CTNNA2: variants seen among roughly 807,000 people sequenced by gnomAD.
CTNNA2 encodes the protein catenin alpha 2.
Under a neutral mutation model 101.0 loss-of-function variants are expected in CTNNA2, and 42 were observed. The observed-to-expected ratio is 0.42, with a 90% CI of 0.32 to 0.54. CTNNA2 has a LOEUF of 0.54. CTNNA2 is among the 20% of genes least tolerant of loss of function. CTNNA2 has a pLI of 0.14. For missense variants in CTNNA2, 871 were observed against 1,223.1 expected, an observed-to-expected ratio of 0.71 and a Z score of 4.29; for synonymous variants, 450 against 456.4, an observed-to-expected ratio of 0.99 and a Z score of 0.18.
intron 9 of CTNNA2, among the ~76,000 whole-genome samples, chr2:80,527,048 C>A (rs1690104829): frequency 6.6e-6 from 1 of 152,192 alleles, no homozygotes; most frequent in African/African-American, 2.4e-5. Context: ...CAGTTGATGG[C>A]ACCACCCTGA....
At chr2:80,595,398 A>T (rs557527767) in intron 15 of CTNNA2, among the ~76,000 whole-genome samples, 1 of 152,244 alleles carries the variant, frequency 6.6e-6, no homozygotes, top group South Asian at 2.1e-4. Flanking sequence ...TCTACATGTA[A>T]GATCATGTCA....
At chr2:80,579,418 C>T (rs1195575198) in intron 13 of CTNNA2, 3 of 152,138 alleles carry the variant, frequency 2.0e-5, no homozygotes, top group African/African-American at 7.2e-5. Flanking sequence ...ACAAAAAGCG[C>T]TTGTAATCTT....
intron 2 of CTNNA2, among the ~76,000 whole-genome samples, chr2:79,272,566 T>A (rs1047782081): frequency 1.3e-5 from 2 of 152,010 alleles, no homozygotes; most frequent in Non-Finnish European, 2.9e-5. Flanking sequence ...ATAAAACAAA[T>A]GACCAAGACA....
chr2:79,440,084 C>A (rs919378864), intron 4 of CTNNA2, among the ~76,000 whole-genome samples: 1 of 152,074 alleles, frequency 6.6e-6, no homozygotes, highest in African/African-American at 2.4e-5. Context: ...ATCCCTGGAT[C>A]TTGGTGGCAC....
chr2:79,664,705 C>CTTTTTTTTTTT (rs67782114), intron 2 of CTNNA2, among the ~76,000 whole-genome samples: 1 of 94,986 alleles, frequency 1.1e-5, no homozygotes, highest in African/African-American at 4.4e-5. Context: ...TCACATTCTT[C>CTTTTTTTTTTT]TTTTTTTTTT....
chr2:79,614,972 G>A (rs1284910396), intron 1 of CTNNA2, among the ~76,000 whole-genome samples: 2 of 152,146 alleles, frequency 1.3e-5, no homozygotes, highest in Non-Finnish European at 2.9e-5. Flanking sequence ...GGTTTCCTGA[G>A]CAGTGACTAG....
chr2:80,494,005 G>A (rs1411919261), intron 9 of CTNNA2, among the ~76,000 whole-genome samples: 3 of 152,186 alleles, frequency 2.0e-5, no homozygotes, highest in Admixed American at 1.3e-4. Context: ...AAGTGGATAA[G>A]TGGTCTGCGT....
chr2:79,921,941 C>T (rs1193936088), intron 7 of CTNNA2, among the ~76,000 whole-genome samples: 2 of 152,148 alleles, frequency 1.3e-5, no homozygotes, highest in Non-Finnish European at 2.9e-5. Flanking sequence ...CAGGTTCCTG[C>T]CTTGGTCCTA....
chr2:79,571,639 C>T (rs1047360935), intron 1 of CTNNA2, among the ~76,000 whole-genome samples: 6 of 152,098 alleles, frequency 3.9e-5, no homozygotes, highest in African/African-American at 1.4e-4. Flanking sequence ...ACACTTTGGT[C>T]ATATTCCTAC....
chr2:79,440,207 G>A (rs191654520), intron 4 of CTNNA2, among the ~76,000 whole-genome samples: 3 of 152,176 alleles, frequency 2.0e-5, no homozygotes, highest in Non-Finnish European at 4.4e-5. Context: ...ATTGGTATAT[G>A]AGTCCTAACA....
intron 7 of CTNNA2, among the ~76,000 whole-genome samples, chr2:80,389,662 G>A (rs533253963): frequency 1.3e-5 from 2 of 152,248 alleles, no homozygotes; most frequent in South Asian, 4.2e-4. Flanking sequence ...GCTGAGCGTT[G>A]ACAAGCTACT....
At chr2:79,439,482 A>C (rs1678754573) in intron 4 of CTNNA2, among the ~76,000 whole-genome samples, 1 of 152,190 alleles carries the variant, frequency 6.6e-6, no homozygotes, top group South Asian at 2.1e-4. Flanking sequence ...AAGTATTCTA[A>C]AATTAGATAG....
intron 9 of CTNNA2, among the ~76,000 whole-genome samples, chr2:80,488,283 G>A (rs1385003692): frequency 1.3e-5 from 2 of 152,026 alleles, no homozygotes; most frequent in African/African-American, 4.8e-5. Context: ...TACCAAAACT[G>A]ATTATATTTT....
At chr2:80,641,275 C>T (rs1019468134) in intron 18 of CTNNA2, among the ~76,000 whole-genome samples, 1 of 152,150 alleles carries the variant, frequency 6.6e-6, no homozygotes, top group African/African-American at 2.4e-5. Context: ...GGTCCCATGA[C>T]ATTTGCATTA....
chr2:80,559,418 C>T (rs1693347772), intron 12 of CTNNA2, among the ~76,000 whole-genome samples: 1 of 152,158 alleles, frequency 6.6e-6, no homozygotes, highest in Non-Finnish European at 1.5e-5. Flanking sequence ...CACTTGGCTG[C>T]CCTCGCTGAG....
chr2:79,245,678 C>G (rs1010465028), intron 2 of CTNNA2, among the ~76,000 whole-genome samples: 5 of 152,240 alleles, frequency 3.3e-5, no homozygotes, highest in Admixed American at 6.5e-5. Context: ...CCTTTCAGTC[C>G]CACTGATTTA....
chr2:80,001,283 TAGGGTTATGG>T (rs1692928186), intron 7 of CTNNA2, among the ~76,000 whole-genome samples: 1 of 152,224 alleles, frequency 6.6e-6, no homozygotes, highest in Non-Finnish European at 1.5e-5. Context: ...AATATTTCTC[TAGGGTTATGG>T]CCAAACTCAG....
At chr2:79,742,702 C>T (rs1017958070) in intron 2 of CTNNA2, among the ~76,000 whole-genome samples, 3 of 152,146 alleles carry the variant, frequency 2.0e-5, no homozygotes, top group Non-Finnish European at 4.4e-5. Flanking sequence ...TGTTCCTCAT[C>T]GCATACACAT....
chr2:80,349,415 C>T lies in CTNNA2; in HGVS notation c.1057-43796C>T, dbSNP rs565563294. On this transcript the variant is annotated intron_variant, in intron 7 of 18. Coordinates refer to ENST00000402739, the MANE Select transcript of CTNNA2 (RefSeq NM_001282597.3). ...TGGGTATATTCTGGCATAAACTATT[C>T]TAAACTTGATGCTGAAACCCTAGGA... Among the ~76,000 whole-genome samples, 36 of 152,248 alleles carry T rather than the reference C, an allele frequency of 2.4e-4. 1 individual carries two copies. In the South Asian group the frequency reaches 6.9e-3, roughly 29 times the overall value.
Sources: allele counts gnomAD v4.1 joint callset (sites outside exome capture counted in the v4.1 genomes callset), GRCh38; gene constraint gnomAD v4.1.1; transcripts MANE v1.5; gene names NCBI Gene and HGNC (gene_info 2026-07-23, HGNC 2026-07-21).